DMD: variants seen among roughly 807,000 people sequenced by gnomAD.
The protein encoded by DMD is mutant dystrophin.
A neutral mutation model predicts 330.1 loss-of-function variants in DMD; 63 were observed. The ratio of observed to expected loss-of-function variants is 0.19; its 90% CI spans 0.16 to 0.24. The LOEUF (loss-of-function observed/expected upper bound fraction) is 0.24, where lower values mean the gene tolerates loss of function less well. Ranked by LOEUF, DMD falls within the 10% of genes least tolerant of loss-of-function variation. The pLI is 1.00. For synonymous variants in DMD, 1,223 were observed against 959.8 expected (o/e 1.27, Z -5.07); for missense variants, 3,344 against 2,684.1 (o/e 1.25, Z -5.43).
intron 1 of DMD, among the ~76,000 whole-genome samples, chrX:33,310,322 T>A (rs951912939): frequency 2.7e-5 from 3 of 111,263 alleles, no homozygotes; most frequent in Non-Finnish European, 5.7e-5. Flanking sequence ...TTGCTTATTA[T>A]AAAAGACTAA....
At chrX:33,338,811 CA>C (rs2054293509) in intron 1 of DMD, among the ~76,000 whole-genome samples, 1 of 111,309 alleles carries the variant, frequency 9.0e-6, no homozygotes, top group Non-Finnish European at 1.9e-5. Context: ...AAATAGAAAC[CA>C]AGTATAACAA....
chrX:31,835,182 T>C (rs907753155), intron 49 of DMD, among the ~76,000 whole-genome samples: 9 of 112,139 alleles, frequency 8.0e-5, no homozygotes, highest in African/African-American at 2.9e-4. Context: ...TCTCTCTCTC[T>C]TTTACAAAGG....
chrX:32,371,335 T>C (rs1474043063), intron 34 of DMD, among the ~76,000 whole-genome samples: 3 of 110,976 alleles, frequency 2.7e-5, no homozygotes, highest in Non-Finnish European at 5.7e-5. Flanking sequence ...TTTGTGTGCG[T>C]GTGTGTTTGT....
chrX:32,654,522 C>A (rs2060412407), intron 9 of DMD, among the ~76,000 whole-genome samples: 1 of 111,647 alleles, frequency 9.0e-6, no homozygotes, highest in Non-Finnish European at 1.9e-5. Flanking sequence ...GGTGGATAAG[C>A]TTTTTGATGT....
chrX:32,157,868 G>A (rs2096835924), intron 44 of DMD, among the ~76,000 whole-genome samples: 1 of 111,693 alleles, frequency 9.0e-6, no homozygotes, highest in Non-Finnish European at 1.9e-5. Flanking sequence ...ATGGCAAAAG[G>A]ATCAAAGCAC....
chrX:31,752,094 T>G (rs1407155505), intron 51 of DMD, among the ~76,000 whole-genome samples: 1 of 111,833 alleles, frequency 8.9e-6, no homozygotes, highest in Admixed American at 9.5e-5. Flanking sequence ...GGAGGACTCT[T>G]GTGATTACAT....
At chrX:32,517,376 T>A (rs1480295031) in intron 18 of DMD, 1 of 112,221 alleles carries the variant, frequency 8.9e-6, no homozygotes, top group East Asian at 2.8e-4. Flanking sequence ...AAACACTTTA[T>A]ATTAAATTAA....
chrX:33,159,169 C>G (rs2048645006), intron 1 of DMD: 1 of 112,043 alleles, frequency 8.9e-6, no homozygotes, highest in Non-Finnish European at 1.9e-5. Flanking sequence ...ATATAATATT[C>G]ATATCACTGT....
At chrX:31,330,497 G>A (rs1362899189) in intron 61 of DMD, among the ~76,000 whole-genome samples, 1 of 111,531 alleles carries the variant, frequency 9.0e-6, no homozygotes, top group Non-Finnish European at 1.9e-5. Context: ...GAAGGAGGGA[G>A]TAGACGGAGG....
At chrX:31,449,799 G>C (rs7880651) in intron 59 of DMD, among the ~76,000 whole-genome samples, 1 of 66,448 alleles carries the variant, frequency 1.5e-5, no homozygotes, top group Admixed American at 1.8e-4. Context: ...TATATATATA[G>C]ATAGATAGAT....
intron 55 of DMD, among the ~76,000 whole-genome samples, chrX:31,509,959 A>G (rs1294452452): frequency 8.9e-6 from 1 of 112,129 alleles, no homozygotes; most frequent in Admixed American, 9.5e-5. Flanking sequence ...CTTCATAGAT[A>G]CTGGGATAAA....
In DMD at chrX:32,313,012, G is replaced by C. The variant is rs946370638; in HGVS notation, c.5923-2736C>G. On this transcript the variant is annotated intron_variant, in intron 41 of 78. Coordinates refer to ENST00000357033, the MANE Select transcript of DMD (RefSeq NM_004006.3). Reference sequence around the variant, plus strand: ...AGCTGAATTCTACCAGAGATACAAAGAGGAGCTGGTACCATTCCCTCTAAA... The same window carrying C: ...AGCTGAATTCTACCAGAGATACAAACAGGAGCTGGTACCATTCCCTCTAAA... Among the ~76,000 whole-genome samples, 5 of 90,263 alleles carry C rather than the reference G, an allele frequency of 5.5e-5. No homozygotes were observed. The Admixed American group carries it at 5.6e-4, about 10-fold the overall frequency. 78.4% of individuals were successfully genotyped at this position (90,263 alleles called of 115,157 possible). A position where few individuals can be genotyped will look rare whatever the true frequency, so the allele number is the denominator to read the frequency against.
chrX:31,999,766 G>A (rs1203911099), intron 44 of DMD, among the ~76,000 whole-genome samples: 1 of 111,650 alleles, frequency 9.0e-6, no homozygotes, highest in Non-Finnish European at 1.9e-5. Context: ...GGTTGAAGTG[G>A]GTTCTTAGTG....
At chrX:32,392,061 G>A (rs1398471001) in intron 30 of DMD, among the ~76,000 whole-genome samples, 2 of 111,381 alleles carry the variant, frequency 1.8e-5, no homozygotes, top group African/African-American at 6.5e-5. Flanking sequence ...AGAAGAGTCT[G>A]GTCAAACTGT....
chrX:31,694,649 TACACACAC>T (rs1556821033), intron 52 of DMD, among the ~76,000 whole-genome samples: 9 of 75,616 alleles, frequency 1.2e-4, no homozygotes, highest in Admixed American at 2.9e-4. Context: ...TATATATATA[TACACACAC>T]ATATATGTAT....
At chrX:33,187,569 G>A (rs961985056) in intron 1 of DMD, among the ~76,000 whole-genome samples, 3 of 112,065 alleles carry the variant, frequency 2.7e-5, no homozygotes, top group South Asian at 3.7e-4. Context: ...TAGGTATGAG[G>A]AGGATGTCCT....
chrX:33,105,757 A>T lies in DMD; in HGVS notation c.32-85557T>A, dbSNP rs1356598762. Among the ~76,000 whole-genome samples the T allele has an allele frequency of 2.7e-5, 3 of 112,103 alleles. No homozygotes were observed. In the Admixed American group the frequency reaches 2.9e-4, roughly 11 times the overall value. On this transcript the variant is annotated intron_variant, in intron 1 of 78. Coordinates refer to ENST00000357033, the MANE Select transcript of DMD (RefSeq NM_004006.3). ...TATCTTAGCCAGAATGGCCATTATT[A>T]AAAAGTCAAAAAACAATAAACGTTG...
chrX:32,668,020 G>T (rs1211348050), intron 9 of DMD, among the ~76,000 whole-genome samples: 1 of 110,156 alleles, frequency 9.1e-6, no homozygotes, highest in Non-Finnish European at 1.9e-5. Flanking sequence ...ATGGTGGCAG[G>T]TGCCTGTAAT....
rs372384826 is a variant in DMD, at chrX:32,855,557, C to T, written c.94-5737G>A. Among the ~76,000 whole-genome samples, 9 of 111,816 alleles carry T rather than the reference C, an allele frequency of 8.0e-5. No homozygotes were observed. In the East Asian group the frequency reaches 2.0e-3, roughly 24 times the overall value. On this transcript the variant is annotated intron_variant, in intron 2 of 78. Transcript: ENST00000357033. ...TTAACAAAGGTGCCAAGAACATACACTGAAGAAAAGACCATCTTTTCAATA... is the reference window on the plus strand; with the variant it reads ...TTAACAAAGGTGCCAAGAACATACATTGAAGAAAAGACCATCTTTTCAATA...
Sources: gnomAD v4.1 joint callset for allele counts (sites outside exome capture counted in the v4.1 genomes callset) on GRCh38, gnomAD v4.1.1 for gene constraint, MANE v1.5 for transcripts, NCBI Gene and HGNC (gene_info 2026-07-23, HGNC 2026-07-21) for gene names.